GAB2: variants seen among roughly 807,000 people sequenced by gnomAD.
The protein encoded by GAB2 is GRB2 associated binding protein 2.
GAB2 carries 26 observed loss-of-function variants against 65.5 expected under a neutral mutation model. The ratio of observed to expected loss-of-function variants is 0.40; its 90% confidence interval spans 0.29 to 0.55. GAB2 has a LOEUF of 0.55. Ranked by LOEUF, GAB2 falls within the 20% of genes least tolerant of loss-of-function variation. GAB2 has a pLI of 0.53. For synonymous variants in GAB2, 321 were observed against 329.6 expected, an observed-to-expected ratio of 0.97 and a Z score of 0.28; for missense variants, 884 against 875.8, an observed-to-expected ratio of 1.01 and a Z score of -0.12.
chr11:78,258,031 G>T (rs1053194678), intron 2 of GAB2, among the ~76,000 whole-genome samples: 3 of 152,174 alleles, frequency 2.0e-5, no homozygotes, highest in Non-Finnish European at 4.4e-5. Flanking sequence ...TGGGGGTCCA[G>T]GCCTAGCTCT....
intron 1 of GAB2, among the ~76,000 whole-genome samples, chr11:78,329,883 T>G (rs1591043129): frequency 2.0e-5 from 3 of 152,360 alleles, no homozygotes. Flanking sequence ...TCTGGAAAAC[T>G]AAAAGTCACC....
At chr11:78,295,571 A>C (rs1256660897) in intron 1 of GAB2, among the ~76,000 whole-genome samples, 1 of 152,220 alleles carries the variant, frequency 6.6e-6, no homozygotes, top group Non-Finnish European at 1.5e-5. Context: ...AAGGGCAGAC[A>C]AGTACAGTAC....
At chr11:78,318,486 C>A (rs1855660600) in intron 1 of GAB2, among the ~76,000 whole-genome samples, 1 of 150,756 alleles carries the variant, frequency 6.6e-6, no homozygotes. Flanking sequence ...GTAGAAATAT[C>A]ACTTTGGCAA....
intron 1 of GAB2, among the ~76,000 whole-genome samples, chr11:78,362,922 C>T (rs1856452600): frequency 6.6e-6 from 1 of 152,122 alleles, no homozygotes; most frequent in South Asian, 2.1e-4. Context: ...AAGTCATGTA[C>T]TTCTAAAAAG....
intron 1 of GAB2, among the ~76,000 whole-genome samples, chr11:78,367,471 G>A (rs1856512060): frequency 6.6e-6 from 1 of 152,174 alleles, no homozygotes; most frequent in Non-Finnish European, 1.5e-5. Flanking sequence ...GCAGAAATTT[G>A]GGCCCAGTGT....
intron 1 of GAB2, among the ~76,000 whole-genome samples, chr11:78,364,313 G>T (rs1309639533): frequency 6.6e-6 from 1 of 152,060 alleles, no homozygotes; most frequent in Admixed American, 6.6e-5. Context: ...CTCCCACATT[G>T]CTTCTCTACA....
intron 1 of GAB2, among the ~76,000 whole-genome samples, chr11:78,391,028 C>A (rs1319528216): frequency 6.6e-6 from 1 of 152,124 alleles, no homozygotes; most frequent in Admixed American, 6.5e-5. Context: ...AGGAAGCTGA[C>A]CTTTGAAAAG....
chr11:78,314,373 A>G lies in GAB2; in HGVS notation c.76-33472T>C, dbSNP rs114250554. Among the ~76,000 whole-genome samples the G allele has an allele frequency of 8.7e-3, 1,323 of 152,362 alleles. 19 individuals carry two copies. The highest frequency in any genetic ancestry group is 0.03 in the African/African-American group (1,257 of 41,586). ...CTTCACTCACATGGTGTAATTTTTA[A>G]TACAACCACTTAGGAAGTAGACGCT... On this transcript the variant is annotated intron_variant, in intron 1 of 9. Coordinates refer to ENST00000361507, the MANE Select transcript of GAB2 (RefSeq NM_080491.3).
intron 1 of GAB2, among the ~76,000 whole-genome samples, chr11:78,411,162 G>A (rs10899494): frequency 1.3e-5 from 2 of 148,424 alleles, no homozygotes; most frequent in Non-Finnish European, 3.0e-5. Flanking sequence ...GGGTGGTTGG[G>A]GGGGGGGATG....
At chr11:78,322,777 G>C (rs1299519492) in intron 1 of GAB2, among the ~76,000 whole-genome samples, 7 of 145,978 alleles carry the variant, frequency 4.8e-5, no homozygotes, top group African/African-American at 1.8e-4. Context: ...ACACCACTCA[G>C]AATGGCTATT....
At chr11:78,343,693 A>ATATGTGATT (rs1856137480) in intron 1 of GAB2, among the ~76,000 whole-genome samples, 1 of 152,216 alleles carries the variant, frequency 6.6e-6, no homozygotes, top group Admixed American at 6.5e-5. Flanking sequence ...CGTGAGGCAC[A>ATATGTGATT]TATGTGATTT....
chr11:78,384,142 C>T (rs1160233791), intron 1 of GAB2, among the ~76,000 whole-genome samples: 2 of 152,212 alleles, frequency 1.3e-5, no homozygotes, highest in Non-Finnish European at 2.9e-5. Flanking sequence ...AAACCTGATG[C>T]ACCTCAAAGG....
chr11:78,347,222 A>G (rs992490599), intron 1 of GAB2, among the ~76,000 whole-genome samples: 4 of 152,200 alleles, frequency 2.6e-5, no homozygotes. Context: ...ATGGCTTGAT[A>G]TGAAACCCCT....
intron 1 of GAB2, among the ~76,000 whole-genome samples, chr11:78,294,743 A>G (rs1866778877): frequency 6.6e-6 from 1 of 152,190 alleles, no homozygotes; most frequent in African/African-American, 2.4e-5. Flanking sequence ...TTAATTCAAG[A>G]TGGATTAAAG....
At chr11:78,367,172 T>C (rs189272134) in intron 1 of GAB2, among the ~76,000 whole-genome samples, 1 of 152,306 alleles carries the variant, frequency 6.6e-6, no homozygotes, top group East Asian at 1.9e-4. Context: ...CCCCATCAAC[T>C]TGGACCAAGA....
intron 1 of GAB2, among the ~76,000 whole-genome samples, chr11:78,351,075 T>C (rs766598774): frequency 2.6e-4 from 40 of 152,116 alleles, no homozygotes; most frequent in Non-Finnish European, 4.0e-4. Flanking sequence ...TATCCAGCTG[T>C]TGACCGAGGC....
At chr11:78,358,009 G>A (rs1364319900) in intron 1 of GAB2, among the ~76,000 whole-genome samples, 5 of 151,964 alleles carry the variant, frequency 3.3e-5, no homozygotes, top group Non-Finnish European at 5.9e-5. Context: ...TGTTTATTGC[G>A]GCACTATTCA....
intron 5 of GAB2, among the ~76,000 whole-genome samples, chr11:78,223,879 G>A (rs1036828351): frequency 3.9e-5 from 6 of 152,072 alleles, no homozygotes; most frequent in African/African-American, 9.7e-5. Context: ...TGAGGGGTTC[G>A]AGACCAGCTT....
rs1409191729 is a variant in GAB2 at position 78,223,645 on chromosome 11, C to G, written c.1334G>C (p.Ser445Thr). The change falls in exon 6 of 10, where the codon AGC becomes ACC. Residue 445 changes from serine to threonine, a missense_variant. Coordinates refer to ENST00000361507, the MANE Select transcript of GAB2 (RefSeq NM_080491.3). ...PGKMIVGRSDSTNSEDNYVPM... is the reference protein window; with the variant it reads ...PGKMIVGRSDTTNSEDNYVPM... ...CACATAGTTGTCTTCAGAATTGGTG[C>G]TGTCCGATCGGCCCACAATCATTTT... 1 of 1,609,478 alleles carries G rather than the reference C, an allele frequency of 6.2e-7. No homozygotes were observed. The highest frequency in any genetic ancestry group is 8.5e-7 in the Non-Finnish European group (1 of 1,177,662).
Sources: allele counts gnomAD v4.1 joint callset (sites outside exome capture counted in the v4.1 genomes callset), GRCh38; gene constraint gnomAD v4.1.1; transcripts MANE v1.5; gene names NCBI Gene and HGNC (gene_info 2026-07-23, HGNC 2026-07-21).